Variants in IMPG2 observed in about 807,000 individuals in gnomAD.
IMPG2 encodes interphotoreceptor matrix proteoglycan 2, also known as IPM 200.
Under a neutral mutation model 129.2 loss-of-function variants are expected in IMPG2, and 91 were observed. The observed-to-expected ratio is 0.70, with a 90% confidence interval of 0.59 to 0.84. IMPG2 has a LOEUF of 0.84. Among genes scored for constraint, IMPG2 ranks in the 40% least tolerant of loss-of-function variants. The probability of loss-of-function intolerance (pLI) is 0.00; values close to 1 mark genes in which losing one functional copy is unlikely to be tolerated. For synonymous variants in IMPG2, 510 were observed against 517.7 expected, an observed-to-expected ratio of 0.99 and a Z score of 0.20; for missense variants, 1,430 against 1,461.7, an observed-to-expected ratio of 0.98 and a Z score of 0.35.
Position 101,256,217 on chromosome 3 carries a change from G to C in IMPG2, c.1153+1312C>G, listed in dbSNP as rs550833038. 1.0e-3 allele frequency among the ~76,000 whole-genome samples: 141 copies of C among 138,274 alleles called. 1 individual carries two copies. Among genetic ancestry groups the C allele is most frequent in the African/African-American group, 3.5e-3 (127 of 36,502 alleles). 90.7% of individuals were successfully genotyped at this position (138,274 alleles called of 152,430 possible). The stretch of plus-strand genomic sequence containing the variant: ...AGAAAGAAAGAAAGAAAGAAAGAAA[G>C]AAAAAAATATCTTATTTGGGAAATA... On this transcript the variant is annotated intron_variant, in intron 10 of 18. Transcript: ENST00000193391.
intron 9 of IMPG2, among the ~76,000 whole-genome samples, chr3:101,260,956 T>G (rs1234723811): frequency 6.6e-6 from 1 of 152,192 alleles, no homozygotes; most frequent in Non-Finnish European, 1.5e-5. Context: ...ACAATTGAAT[T>G]TATGCCACTT....
chr3:101,264,920 G>GA (rs1046904435), intron 9 of IMPG2, among the ~76,000 whole-genome samples: 4 of 149,912 alleles, frequency 2.7e-5, no homozygotes, highest in South Asian at 4.2e-4. Context: ...ATCTAGCTGA[G>GA]AAAAAAAAGG....
At chr3:101,273,536 C>T (rs1443998104) in intron 7 of IMPG2, 45 bp downstream of exon 7, 1 of 1,592,148 alleles carries the variant, frequency 6.3e-7, no homozygotes, top group Admixed American at 1.7e-5. Context: ...AGGAAACTAA[C>T]ATAGCAGGCA....
chr3:101,302,506 A>G (rs1707149619), intron 3 of IMPG2, among the ~76,000 whole-genome samples: 1 of 152,224 alleles, frequency 6.6e-6, no homozygotes, highest in Non-Finnish European at 1.5e-5. Context: ...GGGAAAAGAC[A>G]TCAATTTTGG....
chr3:101,267,540 A>G lies in IMPG2; in HGVS notation c.888-9T>C, dbSNP rs1391970829. The G allele has an allele frequency of 1.2e-6, 2 of 1,606,206 alleles. No individual in the cohort carries two copies. The highest frequency in any genetic ancestry group is 2.2e-5 in the South Asian group (2 of 90,880). ...CATTTTCCTTGGGGGACCTGAAAAC[A>G]AAAATTAAAAATATTAAACAGAGTT... is the stretch of plus-strand genomic sequence containing the variant. On this transcript the variant is annotated splice_polypyrimidine_tract_variant and intron_variant, in intron 8 of 18. Coordinates refer to ENST00000193391, the MANE Select transcript of IMPG2 (RefSeq NM_016247.4).
At chr3:101,275,768 A>G in intron 5 of IMPG2, 23 bp from the exon 6 acceptor site, 1 of 1,540,936 alleles carries the variant, frequency 6.5e-7, no homozygotes, top group Non-Finnish European at 9.0e-7. Flanking sequence ...GCAAAAACAT[A>G]TGCATGAATT....
In IMPG2 at chr3:101,222,745, A is replaced by T. The variant is rs1009921748; in HGVS notation, c.*4224T>A. 6.6e-6 allele frequency: 1 copy of T among 152,220 alleles called. No individual in the cohort carries two copies. The highest frequency in any genetic ancestry group is 1.5e-5 in the Non-Finnish European group (1 of 68,028). 9.4% of individuals were successfully genotyped at this position (152,220 alleles called of 1,614,324 possible). Reference sequence around the variant, plus strand: ...ATAAAATGTCATTATAAACAAGGTGAAAAAGAAAAGTCCTTCATTATCCAT... The same window carrying T: ...ATAAAATGTCATTATAAACAAGGTGTAAAAGAAAAGTCCTTCATTATCCAT... On this transcript the variant is annotated 3_prime_UTR_variant, in exon 19 of 19. Coordinates refer to ENST00000193391, the MANE Select transcript of IMPG2 (RefSeq NM_016247.4).
chr3:101,263,960 T>C (rs886158659), intron 9 of IMPG2, among the ~76,000 whole-genome samples: 2 of 151,392 alleles, frequency 1.3e-5, no homozygotes, highest in African/African-American at 2.4e-5. Flanking sequence ...GAGACTACTA[T>C]GAATAACCAT....
At chr3:101,256,208 AGAAAGAAAG>A (rs1361861270) in intron 10 of IMPG2, among the ~76,000 whole-genome samples, 7 of 150,868 alleles carry the variant, frequency 4.6e-5, no homozygotes, top group African/African-American at 1.5e-4. Flanking sequence ...AAAGAAAGAA[AGAAAGAAAG>A]AAAAAAATAT....
intron 11 of IMPG2, among the ~76,000 whole-genome samples, chr3:101,249,642 A>G (rs932684918): frequency 6.6e-6 from 1 of 152,100 alleles, no homozygotes; most frequent in Non-Finnish European, 1.5e-5. Context: ...ATCTGTTGAC[A>G]TGAAATGTAT....
intron 3 of IMPG2, among the ~76,000 whole-genome samples, chr3:101,298,302 G>A (rs1181819148): frequency 6.6e-6 from 1 of 151,896 alleles, no homozygotes; most frequent in East Asian, 1.9e-4. Flanking sequence ...TTGCATGTCA[G>A]ATGGGTCTCC....
At chr3:101,296,491 T>C (rs1214658188) in intron 3 of IMPG2, among the ~76,000 whole-genome samples, 1 of 152,184 alleles carries the variant, frequency 6.6e-6, no homozygotes. Flanking sequence ...GATTTTTGCA[T>C]CAATGTTCAT....
chr3:101,231,180 T>C, intron 15 of IMPG2, 35 bp from the exon 16 acceptor site: 1 of 1,595,840 alleles, frequency 6.3e-7, no homozygotes, highest in Non-Finnish European at 8.6e-7. Flanking sequence ...GATATCTGAA[T>C]CACTCTGCTC....
intron 2 of IMPG2, among the ~76,000 whole-genome samples, chr3:101,315,461 T>C (rs982522302): frequency 6.6e-6 from 1 of 152,190 alleles, no homozygotes; most frequent in Non-Finnish European, 1.5e-5. Flanking sequence ...CTTTGCTTTC[T>C]GATGGTTAAA....
At chr3:101,242,262 A>G (rs760185023) in intron 14 of IMPG2, among the ~76,000 whole-genome samples, 11 of 152,204 alleles carry the variant, frequency 7.2e-5, no homozygotes, top group Non-Finnish European at 1.3e-4. Flanking sequence ...TCTGGAGGTT[A>G]TGAGAGATGT....
In IMPG2 at chr3:101,246,109, G is replaced by C. The variant is rs1482725321; in HGVS notation, c.1240-4C>G. The stretch of plus-strand genomic sequence containing the variant: ...ATGCAGCTTGAAAGGTATTATCCTG[G>C]GGGGAAAAAAAGGCTAAATCATATC... On this transcript the variant is annotated splice_polypyrimidine_tract_variant and splice_region_variant and intron_variant, in intron 11 of 18. Coordinates refer to ENST00000193391, the MANE Select transcript of IMPG2 (RefSeq NM_016247.4). 1 of 1,611,686 alleles carries C rather than the reference G, an allele frequency of 6.2e-7. No homozygotes were observed. The highest frequency in any genetic ancestry group is 1.7e-5 in the Admixed American group (1 of 59,474).
At chr3:101,314,800 A>G (rs1576774435) in intron 2 of IMPG2, among the ~76,000 whole-genome samples, 1 of 152,306 alleles carries the variant, frequency 6.6e-6, no homozygotes, top group East Asian at 1.9e-4. Context: ...GATGACCTAA[A>G]TAAATGGAGG....
rs760400243 is a variant in IMPG2, at chr3:101,310,267, G to T, written c.335-5955C>A. On this transcript the variant is annotated intron_variant, in intron 2 of 18. Transcript: ENST00000193391. ...TTCAACTTATGAAATACATTTAAAG[G>T]ATTAGATGGTTAAGCTAGGCATGGT... 3.3e-5 allele frequency among the ~76,000 whole-genome samples: 5 copies of T among 152,102 alleles called. No homozygotes were observed. The South Asian group carries it at 1.0e-3, about 32-fold the overall frequency.
At chr3:101,228,126 T>C (rs529329581) in intron 18 of IMPG2, among the ~76,000 whole-genome samples, 4 of 152,232 alleles carry the variant, frequency 2.6e-5, no homozygotes, top group Admixed American at 1.3e-4. Flanking sequence ...CTTTTCAAGA[T>C]AGTTTATTTT....
Sources: allele counts gnomAD v4.1 joint callset (sites outside exome capture counted in the v4.1 genomes callset), GRCh38; gene constraint gnomAD v4.1.1; transcripts MANE v1.5; gene names NCBI Gene and HGNC (gene_info 2026-07-23, HGNC 2026-07-21).